NENF: variants seen among roughly 807,000 people sequenced by gnomAD.
NENF encodes the protein neudesin neurotrophic factor, also known as neudesin.
NENF carries 6 observed loss-of-function variants against 14.8 expected under a neutral mutation model. The observed-to-expected ratio is 0.40, with a 90% CI of 0.22 to 0.80. The LOEUF (loss-of-function observed/expected upper bound fraction) is 0.80. Among genes scored for constraint, NENF ranks in the 30% least tolerant of loss-of-function variants. The pLI, the probability that NENF is intolerant of heterozygous loss-of-function variation, is 0.34. For synonymous variants in NENF, 76 were observed against 95.1 expected (o/e 0.80, Z 1.17); for missense variants, 184 against 212.7 (o/e 0.87, Z 0.84).
At chr1:212,440,355 T>C (rs944768512) in intron 1 of NENF, among the ~76,000 whole-genome samples, 3 of 152,094 alleles carry the variant, frequency 2.0e-5, no homozygotes, top group Non-Finnish European at 4.4e-5. Context: ...AATATATTTT[T>C]AAAATTGATA....
At chr1:212,441,082 T>C (rs1162138142) in intron 1 of NENF, among the ~76,000 whole-genome samples, 4 of 152,184 alleles carry the variant, frequency 2.6e-5, no homozygotes, top group Non-Finnish European at 5.9e-5. Context: ...TGTAATTCTT[T>C]CTTGGTGGGG....
At chr1:212,444,228 GGA>G in intron 2 of NENF, 109 bp from the exon 3 acceptor site, 1 of 550,532 alleles carries the variant, frequency 1.8e-6, no homozygotes, top group Non-Finnish European at 3.1e-6. Flanking sequence ...CCGTGAGCGT[GGA>G]GTCTTTTTTA....
intron 1 of NENF, among the ~76,000 whole-genome samples, chr1:212,438,525 T>G (rs971239106): frequency 4.6e-5 from 7 of 152,130 alleles, no homozygotes; most frequent in African/African-American, 1.4e-4. Flanking sequence ...GATTATTTTA[T>G]TTTAGTTTAG....
chr1:212,433,151 CG>C lies in NENF; in HGVS notation c.177+35del, dbSNP rs1662547134. 2.6e-6 allele frequency: 3 copies of C among 1,149,910 alleles called. No individual in the cohort carries two copies. The highest frequency in any genetic ancestry group is 2.2e-6 in the Non-Finnish European group (2 of 929,896). 71.2% of individuals were successfully genotyped at this position (1,149,910 alleles called of 1,614,324 possible). ...CGGGGGTGTCGCGGGCCGAGGGACC[CG>C]GGGTGGCGTCCGATCTGCGGCGAGC... On this transcript the variant is annotated intron_variant, in intron 1 of 3. Transcript: ENST00000366988. The surrounding 1 kb of genome is among the most constrained non-coding windows in gnomAD (Gnocchi z 5.5).
At chr1:212,434,056 A>G (rs1662566206) in intron 1 of NENF, among the ~76,000 whole-genome samples, 1 of 152,124 alleles carries the variant, frequency 6.6e-6, no homozygotes, top group Non-Finnish European at 1.5e-5. Context: ...TCCTGAGTTA[A>G]TTGGCCTTAT....
chr1:212,436,002 T>C (rs1662596283), intron 1 of NENF, among the ~76,000 whole-genome samples: 1 of 152,164 alleles, frequency 6.6e-6, no homozygotes, highest in Non-Finnish European at 1.5e-5. Flanking sequence ...AGAGAAAATA[T>C]ATTTACTATT....
rs1662559367 is a variant in NENF at position 212,433,725 on chromosome 1, G to A, written c.177+605G>A. On this transcript the variant is annotated intron_variant, in intron 1 of 3. Transcript: ENST00000366988. The surrounding 1 kb of genome is among the most constrained non-coding windows in gnomAD (Gnocchi z 5.5). Reference sequence around the variant, plus strand: ...GGTTAGAGACCCCCACAACCCCCCCGCCACACGTCAATAGAGACCCCCCCG... The same window carrying A: ...GGTTAGAGACCCCCACAACCCCCCCACCACACGTCAATAGAGACCCCCCCG... Among the ~76,000 whole-genome samples, 1 of 150,270 alleles carries A rather than the reference G, an allele frequency of 6.7e-6. No homozygotes were observed. The highest frequency in any genetic ancestry group is 1.5e-5 in the Non-Finnish European group (1 of 67,462).
chr1:212,440,269 A>G (rs1046833806), intron 1 of NENF, among the ~76,000 whole-genome samples: 11 of 150,610 alleles, frequency 7.3e-5, no homozygotes, highest in African/African-American at 2.2e-4. Context: ...AAAAAAAAGG[A>G]AAAAGAAAAG....
chr1:212,440,458 C>T (rs893368058), intron 1 of NENF, among the ~76,000 whole-genome samples: 58 of 152,076 alleles, frequency 3.8e-4, no homozygotes, highest in African/African-American at 1.4e-3. Flanking sequence ...AGAAAAATGC[C>T]GTCTGCTGGC....
In NENF at chr1:212,442,462, C is replaced by T. The variant is rs1044645039; in HGVS notation, c.178-103C>T. Reference sequence around the variant, plus strand: ...TAACAGAAAGCCTTTGGGACTTGACCCACTGCTCTTTGCTCAGCTTGTGAT... The same window carrying T: ...TAACAGAAAGCCTTTGGGACTTGACTCACTGCTCTTTGCTCAGCTTGTGAT... On this transcript the variant is annotated intron_variant, in intron 1 of 3. Coordinates refer to ENST00000366988, the MANE Select transcript of NENF (RefSeq NM_013349.5). 6.7e-6 allele frequency: 6 copies of T among 894,928 alleles called. No individual in the cohort carries two copies. The African/African-American group carries it at 9.9e-5, about 15-fold the overall frequency. 55.4% of individuals were successfully genotyped at this position (894,928 alleles called of 1,614,324 possible). A position where few individuals can be genotyped will look rare whatever the true frequency, so the allele number is the denominator to read the frequency against.
chr1:212,434,221 C>G (rs1366509104), intron 1 of NENF, among the ~76,000 whole-genome samples: 1 of 152,080 alleles, frequency 6.6e-6, no homozygotes, highest in East Asian at 1.9e-4. Context: ...TAAGGGATGC[C>G]TTTTTGCCGG....
chr1:212,443,732 C>T (rs1203547841), intron 2 of NENF, among the ~76,000 whole-genome samples: 1 of 152,008 alleles, frequency 6.6e-6, no homozygotes, highest in Non-Finnish European at 1.5e-5. Context: ...TCAGTATTAA[C>T]ACTTAGGTGA....
chr1:212,442,619 G>A lies in NENF; in HGVS notation c.232G>A (p.Gly78Arg), dbSNP rs761532512. The change falls in exon 2 of 4, where the codon GGA becomes AGA. Residue 78 changes from glycine (G) to arginine (R), a missense_variant. Gly to Arg is a moderately radical substitution (Grantham distance 125, BLOSUM62 -2). Transcript: ENST00000366988. ...VKGVVFDVTSGKEFYGRGAPY... is the reference protein window; with the variant it reads ...VKGVVFDVTSRKEFYGRGAPY... ...GGGAGTGGTGTTTGATGTCACCTCC[G>A]GAAAGGGTAAGTGGTGTGGCATTTT... The A allele has an allele frequency of 5.1e-5, 82 of 1,612,920 alleles. 1 individual carries two copies. Among genetic ancestry groups the A allele is most frequent in the Middle Eastern group, 1.7e-4 (1 of 6,052 alleles).
Position 212,432,947 on chromosome 1 carries a change from G to T in NENF, c.4G>T (p.Val2Leu). ...TGCCTTGCGCTGCGCGCTCACCATG[G>T]TGGGCCCCGCGCCGCGGCGGCGGCT... M[V>L]GPAPRRRLRP... Residue 2 changes from valine to leucine, a missense_variant, in exon 1 of 4, where the codon GTG (valine) becomes TTG (leucine). Transcript: ENST00000366988. 1.2e-6 allele frequency: 1 copy of T among 859,426 alleles called. No individual in the cohort carries two copies. 53.2% of individuals were successfully genotyped at this position (859,426 alleles called of 1,614,324 possible).
rs1485195469 is a variant in NENF at position 212,445,934 on chromosome 1, T to C, written c.447T>C (p.Asn149=). 6.2e-7 allele frequency: 1 copy of C among 1,614,120 alleles called. No homozygotes were observed. Among genetic ancestry groups the C allele is most frequent in the Non-Finnish European group, 8.5e-7 (1 of 1,180,018 alleles). The change falls in exon 4 of 4, where the codon AAT becomes AAC. Residue 149 remains asparagine, a synonymous_variant. Transcript: ENST00000366988. ...IVGYTARRIL[N]EDGSPNLDFK... ...GCTACACTGCCCGGAGAATTCTCAATGAGGATGGCAGCCCTAACCTGGACT... is the reference window on the plus strand; with the variant it reads ...GCTACACTGCCCGGAGAATTCTCAACGAGGATGGCAGCCCTAACCTGGACT...
intron 2 of NENF, among the ~76,000 whole-genome samples, chr1:212,443,395 T>C (rs1662725012): frequency 6.6e-6 from 1 of 152,150 alleles, no homozygotes; most frequent in Non-Finnish European, 1.5e-5. Context: ...AGGGAACATT[T>C]TTCTTGTTTG....
Position 212,444,340 on chromosome 1 carries a change from G to A in NENF, c.240G>A (p.Glu80=). The A allele has an allele frequency of 6.3e-7, 1 of 1,595,790 alleles. No homozygotes were observed. The stretch of plus-strand genomic sequence containing the variant: ...TCTCTTCCTTCCTTCCCACTACAGA[G>A]TTTTATGGACGAGGAGCCCCCTACA... ...GVVFDVTSGK[E]FYGRGAPYNA... is the part of the protein sequence containing the mutation. The change falls in exon 3 of 4, where the codon GAG becomes GAA. Residue 80 remains glutamate, a splice_region_variant and synonymous_variant. Transcript: ENST00000366988.
At chr1:212,439,377 A>AT (rs1662662883) in intron 1 of NENF, among the ~76,000 whole-genome samples, 1 of 120,104 alleles carries the variant, frequency 8.3e-6, no homozygotes, top group African/African-American at 3.5e-5. Flanking sequence ...TACTAAAAAT[A>AT]CAAAAAAAAA....
rs1445592266 is a variant in NENF at position 212,433,197 on chromosome 1, C to A, written c.177+77C>A. ...GCGAGCCGAGCGGGGACCCAGGAGG[C>A]GCCGGCGGCCCAGGAAGCTCTGGGG... On this transcript the variant is annotated intron_variant, in intron 1 of 3. Coordinates refer to ENST00000366988, the MANE Select transcript of NENF (RefSeq NM_013349.5). The surrounding 1 kb of genome is among the most constrained non-coding windows in gnomAD (Gnocchi z 5.5). The A allele has an allele frequency of 2.2e-5, 22 of 978,784 alleles. No individual in the cohort carries two copies. Among genetic ancestry groups the A allele is most frequent in the Admixed American group, 5.0e-5 (1 of 20,120 alleles). The allele number at this position is 978,784 out of a possible 1,614,324, so 60.6% of individuals were successfully genotyped here.
Sources: gnomAD v4.1 joint callset for allele counts (sites outside exome capture counted in the v4.1 genomes callset) on GRCh38, gnomAD v4.1.1 for gene constraint, Gnocchi (gnomAD v3.1) non-coding constraint, MANE v1.5 for transcripts, NCBI Gene and HGNC (gene_info 2026-07-23, HGNC 2026-07-21) for gene names.